The following SEMA3C variants were observed in gnomAD, a reference collection of about 807,000 sequenced individuals.
SEMA3C encodes semaphorin-3C.
SEMA3C carries 47 observed loss-of-function variants against 89.4 expected under a neutral mutation model. The ratio of observed to expected loss-of-function variants is 0.53; its 90% CI spans 0.42 to 0.67. The LOEUF (loss-of-function observed/expected upper bound fraction) is 0.67. SEMA3C is among the 30% of genes least tolerant of loss of function. The pLI, the probability that SEMA3C is intolerant of heterozygous loss-of-function variation, is 0.00. For missense variants in SEMA3C, 839 were observed against 929.1 expected, an observed-to-expected ratio of 0.90 and a Z score of 1.26; for synonymous variants, 310 against 320.2, an observed-to-expected ratio of 0.97 and a Z score of 0.34.
At chr7:80,842,404 C>G (rs1790290321) in intron 2 of SEMA3C, among the ~76,000 whole-genome samples, 1 of 152,134 alleles carries the variant, frequency 6.6e-6, no homozygotes, top group African/African-American at 2.4e-5. Flanking sequence ...ATTTATCATT[C>G]TTGCATGTAC....
At chr7:80,902,728 C>A (rs1438379866) in intron 2 of SEMA3C, among the ~76,000 whole-genome samples, 2 of 152,140 alleles carry the variant, frequency 1.3e-5, no homozygotes, top group African/African-American at 4.8e-5. Context: ...GTCTTGTTCC[C>A]ATTTCCAGGC....
Position 80,743,891 on chromosome 7 carries a change from A to G in SEMA3C, c.*1003T>C, listed in dbSNP as rs1464790911. The G allele has an allele frequency of 2.0e-5, 3 of 152,204 alleles. No individual in the cohort carries two copies. In the East Asian group the frequency reaches 5.8e-4, roughly 29 times the overall value. The allele number at this position is 152,204 out of a possible 1,614,324, so 9.4% of individuals were successfully genotyped here. A position where few individuals can be genotyped will look rare whatever the true frequency, so the allele number is the denominator to read the frequency against. On this transcript the variant is annotated 3_prime_UTR_variant, in exon 18 of 18. Coordinates refer to ENST00000265361, the MANE Select transcript of SEMA3C (RefSeq NM_006379.5). The stretch of plus-strand genomic sequence containing the variant: ...TATGATATCTGAGACTGGTTTTAAT[A>G]AAAGGAAGAATCATTGAATTTGAGT...
intron 2 of SEMA3C, among the ~76,000 whole-genome samples, chr7:80,904,594 A>T (rs1791961661): frequency 6.6e-6 from 1 of 152,140 alleles, no homozygotes; most frequent in African/African-American, 2.4e-5. Context: ...CTAAACTTTA[A>T]TTTTTAGTAA....
At chr7:80,828,542 A>G in intron 3 of SEMA3C, 43 bp downstream of exon 3, 1 of 1,482,394 alleles carries the variant, frequency 6.7e-7, no homozygotes, top group Non-Finnish European at 9.1e-7. Context: ...AAAAAGAGAC[A>G]TTGAAAAGGT....
chr7:80,820,244 T>G (rs555140758), intron 4 of SEMA3C, among the ~76,000 whole-genome samples: 36 of 151,986 alleles, frequency 2.4e-4, no homozygotes, highest in Admixed American at 1.4e-3. Flanking sequence ...GTATTTTTAG[T>G]AGAGACGGGG....
At chr7:80,887,491 A>C (rs1158156040) in intron 2 of SEMA3C, among the ~76,000 whole-genome samples, 1 of 152,152 alleles carries the variant, frequency 6.6e-6, no homozygotes, top group Non-Finnish European at 1.5e-5. Context: ...CAAATCCCTG[A>C]CCCAAGATTA....
chr7:80,844,201 G>A (rs1042979390), intron 2 of SEMA3C, among the ~76,000 whole-genome samples: 12 of 152,120 alleles, frequency 7.9e-5, no homozygotes, highest in Middle Eastern at 3.4e-3. Flanking sequence ...ATGCACATAC[G>A]AAATATGTAA....
At chr7:80,885,185 G>C (rs1472913057) in intron 2 of SEMA3C, among the ~76,000 whole-genome samples, 1 of 152,178 alleles carries the variant, frequency 6.6e-6, no homozygotes, top group Non-Finnish European at 1.5e-5. Flanking sequence ...TTCTGAAGCA[G>C]AGTATCACCT....
chr7:80,823,913 A>C (rs1164837882), intron 4 of SEMA3C, among the ~76,000 whole-genome samples: 1 of 152,170 alleles, frequency 6.6e-6, no homozygotes, highest in Non-Finnish European at 1.5e-5. Context: ...ATGTGAGTAC[A>C]TAGGGGCAGA....
chr7:80,818,907 A>T (rs1181022163), intron 4 of SEMA3C, among the ~76,000 whole-genome samples: 1 of 152,214 alleles, frequency 6.6e-6, no homozygotes, highest in Non-Finnish European at 1.5e-5. Flanking sequence ...AGGAATAGTC[A>T]AAACATTATT....
intron 12 of SEMA3C, among the ~76,000 whole-genome samples, chr7:80,767,779 G>A (rs867230468): frequency 6.0e-5 from 9 of 150,196 alleles, no homozygotes; most frequent in African/African-American, 2.2e-4. Context: ...AAATCATTTA[G>A]TGAGTAATAC....
intron 12 of SEMA3C, among the ~76,000 whole-genome samples, chr7:80,769,864 C>CAAA (rs1293174938): frequency 1.5e-3 from 70 of 46,660 alleles, no homozygotes; most frequent in East Asian, 3.6e-3. Flanking sequence ...GTCCCCCCCC[C>CAAA]AAAAAAAAAA....
intron 11 of SEMA3C, among the ~76,000 whole-genome samples, chr7:80,792,139 T>A (rs373790584): frequency 6.6e-6 from 1 of 152,222 alleles, no homozygotes; most frequent in Non-Finnish European, 1.5e-5. Context: ...TAAAAAGTAT[T>A]ATATTTAAAT....
intron 2 of SEMA3C, among the ~76,000 whole-genome samples, chr7:80,829,868 A>G (rs775545599): frequency 1.3e-5 from 2 of 152,214 alleles, no homozygotes; most frequent in Admixed American, 6.5e-5. Context: ...CTGAAGAATG[A>G]CAAACTCTAA....
intron 6 of SEMA3C, among the ~76,000 whole-genome samples, chr7:80,810,210 A>G (rs1789435275): frequency 1.3e-5 from 2 of 152,170 alleles, no homozygotes; most frequent in Admixed American, 1.3e-4. Flanking sequence ...AAATATATAC[A>G]ATTATTATTT....
intron 12 of SEMA3C, among the ~76,000 whole-genome samples, chr7:80,771,729 T>C (rs1788439396): frequency 6.6e-6 from 1 of 152,178 alleles, no homozygotes; most frequent in Non-Finnish European, 1.5e-5. Context: ...AACTGTCTGC[T>C]TTCCCCTGCG....
chr7:80,799,440 A>T (rs559496566), intron 10 of SEMA3C, among the ~76,000 whole-genome samples: 21 of 152,068 alleles, frequency 1.4e-4, no homozygotes, highest in South Asian at 1.2e-3. Flanking sequence ...GAGCAAGATT[A>T]AAAAAAAGAT....
At chr7:80,900,647 T>C (rs181026429) in intron 2 of SEMA3C, among the ~76,000 whole-genome samples, 121 of 152,282 alleles carry the variant, frequency 7.9e-4, no homozygotes, top group African/African-American at 2.7e-3. Flanking sequence ...GCTTTCTACA[T>C]TTGCCTCAGC....
chr7:80,851,844 T>A (rs1159982435), intron 2 of SEMA3C, among the ~76,000 whole-genome samples: 1 of 152,164 alleles, frequency 6.6e-6, no homozygotes, highest in Non-Finnish European at 1.5e-5. Context: ...TATACCTGCC[T>A]AAAATGTGGT....
Sources: allele counts gnomAD v4.1 joint callset (sites outside exome capture counted in the v4.1 genomes callset), GRCh38; gene constraint gnomAD v4.1.1; transcripts MANE v1.5; gene names NCBI Gene and HGNC (gene_info 2026-07-23, HGNC 2026-07-21).